Variants in MFAP3L observed in about 807,000 individuals in gnomAD.
MFAP3L encodes microfibrillar-associated protein 3-like.
MFAP3L carries 5 observed loss-of-function variants against 20.0 expected under a neutral mutation model. The observed-to-expected ratio is 0.25, with a 90% confidence interval of 0.13 to 0.53. MFAP3L has a LOEUF of 0.53. Ranked by LOEUF, MFAP3L falls within the 20% of genes least tolerant of loss-of-function variation. MFAP3L has a pLI of 0.96. For synonymous variants in MFAP3L, 219 were observed against 213.0 expected, an observed-to-expected ratio of 1.03 and a Z score of -0.25; for missense variants, 409 against 527.5, an observed-to-expected ratio of 0.78 and a Z score of 2.20.
Position 170,026,238 on chromosome 4 carries a change from C to CACCGCCGCGCCACTCAGGTG in MFAP3L, c.-158_-139dup, listed in dbSNP as rs1330775597. On this transcript the variant is annotated 5_prime_UTR_variant, in exon 1 of 3. The change abolishes the stop of an existing upstream ORF in the 5' untranslated region. Transcript: ENST00000361618. ...CCGCCGGGGGCCCCCGCTAACCTGA[C>CACCGCCGCGCCACTCAGGTG]ACCGCCGCGCCACTCAGGTGGCCGC... 42 of 984,710 alleles carry CACCGCCGCGCCACTCAGGTG rather than the reference C, an allele frequency of 4.3e-5. No homozygotes were observed. The highest frequency in any genetic ancestry group is 2.8e-4 in the South Asian group (6 of 21,304). 61.0% of individuals were successfully genotyped at this position (984,710 alleles called of 1,614,324 possible). A position where few individuals can be genotyped will look rare whatever the true frequency, so the allele number is the denominator to read the frequency against.
rs77519461 is a variant in MFAP3L, at chr4:170,013,136, A to G, written c.-133-7126T>C. On this transcript the variant is annotated intron_variant, in intron 1 of 2. Coordinates refer to ENST00000361618, the MANE Select transcript of MFAP3L (RefSeq NM_021647.8). Reference sequence around the variant, plus strand: ...TCTTGAATCTCCACACTTTGTTCACATGGTATGTTTTTCTGATTAAAAGTA... The same window carrying G: ...TCTTGAATCTCCACACTTTGTTCACGTGGTATGTTTTTCTGATTAAAAGTA... Among the ~76,000 whole-genome samples, 868 of 152,326 alleles carry G rather than the reference A, an allele frequency of 5.7e-3. 5 individuals carry two copies. The highest frequency in any genetic ancestry group is 7.8e-3 in the Non-Finnish European group (532 of 68,030).
At position 169,991,567 on chromosome 4, in the gene MFAP3L, TTC is replaced by T; in HGVS notation, c.1039_1040del (p.Glu347ThrfsTer24). On this transcript the variant is annotated frameshift_variant, in exon 3 of 3. Transcript: ENST00000361618. LOFTEE classifies it high-confidence loss of function. This position sits in a 1 kb window ranked among gnomAD's most constrained non-coding sequence, Gnocchi z 4.9. ...QFEVKDVEET[E>X]LSAEHSPETA... ...TTTCGGGGGAATGTTCCGCCGACAG[TTC>T]TGTCTCCTCTACATCTTTGACTTCA... 6.2e-7 allele frequency: 1 copy of T among 1,614,138 alleles called. No homozygotes were observed. Among genetic ancestry groups the T allele is most frequent in the Admixed American group, 1.7e-5 (1 of 60,032 alleles).
upstream of MFAP3L, chr4:170,027,108 C>T (rs894050117): frequency 1.5e-4 from 23 of 151,542 alleles, no homozygotes; most frequent in African/African-American, 5.1e-4. Flanking sequence ...TCTAATGAAC[C>T]ATAAGTTGAT....
intron 1 of MFAP3L, among the ~76,000 whole-genome samples, chr4:170,019,863 C>A (rs1252288626): frequency 6.6e-6 from 1 of 152,196 alleles, no homozygotes; most frequent in Non-Finnish European, 1.5e-5. Flanking sequence ...AATTTCAGCA[C>A]AGCCTCTAAG....
rs1400740930 is a variant in MFAP3L at position 169,988,433 on chromosome 4, C to A, written c.*2945G>T. 6.6e-6 allele frequency: 1 copy of A among 152,150 alleles called. No individual in the cohort carries two copies. The highest frequency in any genetic ancestry group is 2.4e-5 in the African/African-American group (1 of 41,440). The allele number at this position is 152,150 out of a possible 1,614,324, so 9.4% of individuals were successfully genotyped here. On this transcript the variant is annotated 3_prime_UTR_variant, in exon 3 of 3. Coordinates refer to ENST00000361618, the MANE Select transcript of MFAP3L (RefSeq NM_021647.8). ...AGATATGACCAGGATGACTCAGAAG[C>A]CAGAAATTGATTTTACAAACGACTA...
intron 2 of MFAP3L, among the ~76,000 whole-genome samples, chr4:169,996,566 C>T (rs1174040675): frequency 3.3e-5 from 5 of 151,958 alleles, no homozygotes; most frequent in South Asian, 2.1e-4. Context: ...AAGCCAGATC[C>T]GCTGGCACAG....
chr4:170,004,905 G>T (rs1352114253), intron 2 of MFAP3L: 1 of 152,150 alleles, frequency 6.6e-6, no homozygotes, highest in Non-Finnish European at 1.5e-5. Flanking sequence ...ATTACTTCTC[G>T]CATCTAAAAC....
intron 1 of MFAP3L, chr4:170,006,579 T>C (rs1305139755): frequency 1.3e-5 from 2 of 152,212 alleles, no homozygotes; most frequent in Non-Finnish European, 2.9e-5. Flanking sequence ...AGCGCAAAAA[T>C]GGATTCAGGC....
chr4:170,026,867 C>T (rs1032568705), upstream of MFAP3L: 1 of 152,312 alleles, frequency 6.6e-6, no homozygotes, highest in African/African-American at 2.4e-5. Flanking sequence ...TACCCTGTCT[C>T]CTTGCAATCA....
intron 1 of MFAP3L, among the ~76,000 whole-genome samples, chr4:170,022,273 C>A (rs1488780887): frequency 6.6e-6 from 1 of 152,186 alleles, no homozygotes; most frequent in Admixed American, 6.5e-5. Flanking sequence ...CCACTGACCA[C>A]CTCTTGTTGG....
chr4:169,996,144 A>G (rs28545028), intron 2 of MFAP3L, among the ~76,000 whole-genome samples: 56,195 of 151,402 alleles, frequency 0.37, 13,269 homozygotes, highest in African/African-American at 0.68. Flanking sequence ...TGCATCTCAC[A>G]TCTCCTGGAG....
At chr4:170,008,026 C>A (rs796437379) in intron 1 of MFAP3L, among the ~76,000 whole-genome samples, 5 of 152,292 alleles carry the variant, frequency 3.3e-5, no homozygotes, top group African/African-American at 1.2e-4. Flanking sequence ...TTTCTACGTT[C>A]AAACACATTG....
intron 1 of MFAP3L, among the ~76,000 whole-genome samples, chr4:170,021,648 C>G (rs749240875): frequency 2.2e-4 from 33 of 152,138 alleles, no homozygotes; most frequent in Non-Finnish European, 1.9e-4. Context: ...TCTTACAACA[C>G]TAAGATAGAA....
In MFAP3L at chr4:169,992,078, C is replaced by G; in HGVS notation, c.530G>C (p.Ser177Thr). Reference protein sequence around the residue: ...LNITRLCMMSSHLKKTEKAIN... With the variant: ...LNITRLCMMSTHLKKTEKAIN... The stretch of plus-strand genomic sequence containing the variant: ...GGCCTTCTCAGTCTTCTTTAGATGG[C>G]TGCTCATCATGCACAGGCGGGTGAT... The change falls in exon 3 of 3, where the codon AGC becomes ACC. Residue 177 changes from serine (S) to threonine (T), a missense_variant. Physicochemically the swap from Ser to Thr is moderately conservative, Grantham distance 58 (BLOSUM62 1). Around this residue, in one of 3 missense-constraint regions of MFAP3L, gnomAD observed 127 missense variants for 218.1 expected, o/e 0.58. Transcript: ENST00000361618. The surrounding 1 kb of genome is among the most constrained non-coding windows in gnomAD (Gnocchi z 4.3). The G allele has an allele frequency of 3.7e-6, 6 of 1,614,158 alleles. No homozygotes were observed. The highest frequency in any genetic ancestry group is 5.1e-6 in the Non-Finnish European group (6 of 1,180,032).
At chr4:169,997,802 C>A in intron 2 of MFAP3L, 2 of 940,300 alleles carry the variant, frequency 2.1e-6, no homozygotes, top group Non-Finnish European at 2.5e-6. Flanking sequence ...TTCATTAATT[C>A]TTTTTTTTTT....
chr4:170,002,845 A>T (rs549504928), intron 2 of MFAP3L, among the ~76,000 whole-genome samples: 4 of 112,020 alleles, frequency 3.6e-5, no homozygotes, highest in South Asian at 3.3e-4. Flanking sequence ...CTCTTTATTT[A>T]AAAAAAAAAA....
At position 169,992,373 on chromosome 4, in the gene MFAP3L, A is replaced by G; in HGVS notation, c.299-64T>C. On this transcript the variant is annotated intron_variant, in intron 2 of 2. Transcript: ENST00000361618. This position sits in a 1 kb window ranked among gnomAD's most constrained non-coding sequence, Gnocchi z 4.3. Reference sequence around the variant, plus strand: ...AGAGCTCCCATGACTACAAACTGATACGTTTCTAAGAACATCTATGAACAT... The same window carrying G: ...AGAGCTCCCATGACTACAAACTGATGCGTTTCTAAGAACATCTATGAACAT... 1 of 1,359,796 alleles carries G rather than the reference A, an allele frequency of 7.4e-7. No individual in the cohort carries two copies. Among genetic ancestry groups the G allele is most frequent in the East Asian group, 2.3e-5 (1 of 43,370 alleles). 84.2% of individuals were successfully genotyped at this position (1,359,796 alleles called of 1,614,324 possible).
chr4:170,012,728 A>G (rs1739458870), intron 1 of MFAP3L, among the ~76,000 whole-genome samples: 1 of 152,254 alleles, frequency 6.6e-6, no homozygotes, highest in African/African-American at 2.4e-5. Flanking sequence ...AGTGAGACTC[A>G]GGAGAGACCT....
At position 169,990,188 on chromosome 4, in the gene MFAP3L, CA is replaced by C. The variant is rs1407350126; in HGVS notation, c.*1189del. ...TGGATGACTAATTTTGTCTTCTTTCCATAACATCACGCACCTCACATATAAC... is the reference window on the plus strand; with the variant it reads ...TGGATGACTAATTTTGTCTTCTTTCCTAACATCACGCACCTCACATATAAC... On this transcript the variant is annotated 3_prime_UTR_variant, in exon 3 of 3. Coordinates refer to ENST00000361618, the MANE Select transcript of MFAP3L (RefSeq NM_021647.8). 2 of 152,230 alleles carry C rather than the reference CA, an allele frequency of 1.3e-5. No homozygotes were observed. The highest frequency in any genetic ancestry group is 2.9e-5 in the Non-Finnish European group (2 of 68,052). 9.4% of individuals were successfully genotyped at this position (152,230 alleles called of 1,614,324 possible).
Sources: gnomAD v4.1 joint callset for allele counts (sites outside exome capture counted in the v4.1 genomes callset) on GRCh38, gnomAD v4.1.1 for gene constraint, gnomAD v4.1.1 regional missense constraint, Gnocchi (gnomAD v3.1) non-coding constraint, MANE v1.5 for transcripts, NCBI Gene and HGNC (gene_info 2026-07-23, HGNC 2026-07-21) for gene names.